Variants in SLC38A6 observed in about 807,000 individuals in gnomAD.
SLC38A6 encodes the protein N system amino acid transporter NAT-1.
In SLC38A6, 73 loss-of-function variants were observed where a neutral mutation model predicts 65.0. The ratio of observed to expected loss-of-function variants is 1.12; its 90% CI spans 0.93 to 1.37. SLC38A6 has a LOEUF of 1.37. Among genes scored for constraint, SLC38A6 ranks in the 40% most tolerant of loss-of-function variants. SLC38A6 has a pLI of 0.00. For synonymous variants in SLC38A6, 183 were observed against 178.8 expected (o/e 1.02, Z -0.19); for missense variants, 561 against 531.1 (o/e 1.06, Z -0.55).
chr14:61,078,615 A>T (rs2043514582), intron 15 of SLC38A6, among the ~76,000 whole-genome samples: 1 of 152,094 alleles, frequency 6.6e-6, no homozygotes, highest in East Asian at 1.9e-4. Flanking sequence ...AGGGCTAGTT[A>T]TCTAAAAACC....
intron 3 of SLC38A6, among the ~76,000 whole-genome samples, chr14:61,000,222 ATAAAAGCTGGATACATGG>A (rs1224593250): frequency 6.6e-6 from 1 of 152,256 alleles, no homozygotes; most frequent in Admixed American, 6.5e-5. Flanking sequence ...AGAGTATTTA[ATAAAAGCTGGATACATGG>A]GTGATGAATA....
At chr14:61,025,137 A>G (rs928252337) in intron 5 of SLC38A6, among the ~76,000 whole-genome samples, 4 of 152,160 alleles carry the variant, frequency 2.6e-5, no homozygotes, top group Admixed American at 1.3e-4. Context: ...TTAACACCTC[A>G]GTTTGGTAAT....
intron 5 of SLC38A6, among the ~76,000 whole-genome samples, chr14:61,026,370 C>A (rs2040613604): frequency 6.6e-6 from 1 of 151,982 alleles, no homozygotes. Flanking sequence ...GCAGTAGATG[C>A]AATAGAATCT....
Position 61,037,096 on chromosome 14 carries a change from A to G in SLC38A6, c.520A>G (p.Ile174Val), listed in dbSNP as rs779048902. Residue 174 changes from isoleucine to valine, a missense_variant, in exon 7 of 16, where the codon ATA becomes GTA. Ile to Val is a conservative substitution (Grantham distance 29). Coordinates refer to ENST00000267488, the MANE Select transcript of SLC38A6 (RefSeq NM_153811.3). ...YLDGQTLLIIICVGIVFPLAL... is the reference protein window; with the variant it reads ...YLDGQTLLIIVCVGIVFPLAL... ...TGATGGACAAACACTACTAATAATC[A>G]TATGTGTTGGCATTGTGTTCCCTCT... 4 of 1,611,324 alleles carry G rather than the reference A, an allele frequency of 2.5e-6. No homozygotes were observed. Among genetic ancestry groups the G allele is most frequent in the South Asian group, 1.1e-5 (1 of 90,688 alleles).
downstream of SLC38A6, among the ~76,000 whole-genome samples, chr14:61,054,849 C>T (rs963389172): frequency 1.3e-5 from 2 of 152,006 alleles, no homozygotes. Flanking sequence ...GATGTCCTTT[C>T]TTTCTTTCTC....
At chr14:60,991,748 AC>A (rs2037906213) in intron 3 of SLC38A6, among the ~76,000 whole-genome samples, 1 of 152,158 alleles carries the variant, frequency 6.6e-6, no homozygotes, top group Non-Finnish European at 1.5e-5. Flanking sequence ...ACAAACAGCA[AC>A]GGTTGATCTA....
chr14:61,074,936 A>C (rs1273595969), intron 15 of SLC38A6, among the ~76,000 whole-genome samples: 1 of 152,070 alleles, frequency 6.6e-6, no homozygotes, highest in Non-Finnish European at 1.5e-5. Context: ...ATGTGAGTTT[A>C]CTAAATGCCT....
chr14:60,989,225 C>T (rs972952643), intron 3 of SLC38A6, among the ~76,000 whole-genome samples: 2 of 152,136 alleles, frequency 1.3e-5, no homozygotes, highest in Non-Finnish European at 1.5e-5. Flanking sequence ...CTAAGGCCTA[C>T]CCCCCAACTT....
chr14:61,035,992 G>T (rs2041337523), intron 6 of SLC38A6, among the ~76,000 whole-genome samples: 1 of 151,170 alleles, frequency 6.6e-6, no homozygotes, highest in Admixed American at 6.6e-5. Flanking sequence ...TTCTCATTCT[G>T]TATTCTAATG....
chr14:61,010,522 C>T (rs1430113784), intron 3 of SLC38A6, among the ~76,000 whole-genome samples: 5 of 152,274 alleles, frequency 3.3e-5, no homozygotes, highest in East Asian at 3.9e-4. Flanking sequence ...TTAGGTCTAA[C>T]ATTTAAGTCT....
chr14:61,063,674 A>G (rs1418468768), intron 15 of SLC38A6, among the ~76,000 whole-genome samples: 1 of 147,870 alleles, frequency 6.8e-6, no homozygotes, highest in Non-Finnish European at 1.5e-5. Flanking sequence ...AAGCCGAAAA[A>G]TTGACAACTG....
At chr14:61,019,009 T>G (rs1178411255) in intron 4 of SLC38A6, among the ~76,000 whole-genome samples, 1 of 152,236 alleles carries the variant, frequency 6.6e-6, no homozygotes, top group Non-Finnish European at 1.5e-5. Context: ...TTATTGAGTT[T>G]GGAACATTTT....
chr14:61,006,391 A>T (rs2039121079), intron 3 of SLC38A6, among the ~76,000 whole-genome samples: 1 of 152,244 alleles, frequency 6.6e-6, no homozygotes, highest in Non-Finnish European at 1.5e-5. Context: ...GTGAACAGGC[A>T]ACCTACAAAA....
intron 3 of SLC38A6, among the ~76,000 whole-genome samples, chr14:61,012,015 G>T (rs903115178): frequency 1.3e-5 from 2 of 152,114 alleles, no homozygotes; most frequent in Non-Finnish European, 2.9e-5. Context: ...TCTGGTCCTG[G>T]ACTTTTTTTG....
intron 15 of SLC38A6, among the ~76,000 whole-genome samples, chr14:61,067,334 T>A (rs1310926916): frequency 6.6e-6 from 1 of 152,104 alleles, no homozygotes; most frequent in African/African-American, 2.4e-5. Flanking sequence ...TACGTACACT[T>A]TTATTACTTT....
At chr14:61,036,074 A>G (rs943956274) in intron 6 of SLC38A6, among the ~76,000 whole-genome samples, 4 of 152,118 alleles carry the variant, frequency 2.6e-5, no homozygotes, top group Non-Finnish European at 4.4e-5. Flanking sequence ...AAAAATGTAT[A>G]TAGAAAACTA....
At chr14:61,062,995 ATG>A (rs2042904973) in intron 15 of SLC38A6, among the ~76,000 whole-genome samples, 1 of 151,986 alleles carries the variant, frequency 6.6e-6, no homozygotes, top group Non-Finnish European at 1.5e-5. Flanking sequence ...TGTTCTTTAT[ATG>A]TGTTTTGCAA....
At chr14:60,986,911 A>T (rs1285938727) in intron 3 of SLC38A6, 1 of 197,902 alleles carries the variant, frequency 5.1e-6, no homozygotes, top group Non-Finnish European at 1.0e-5. Flanking sequence ...TTTCTAAGTA[A>T]TTTTAATTTT....
chr14:61,018,192 A>G (rs2040131153), intron 4 of SLC38A6, among the ~76,000 whole-genome samples: 1 of 152,232 alleles, frequency 6.6e-6, no homozygotes, highest in Non-Finnish European at 1.5e-5. Flanking sequence ...TTTTTGCAAT[A>G]TATTAATTGA....
Sources: gnomAD v4.1 joint callset for allele counts (sites outside exome capture counted in the v4.1 genomes callset) on GRCh38, gnomAD v4.1.1 for gene constraint, MANE v1.5 for transcripts, NCBI Gene and HGNC (gene_info 2026-07-23, HGNC 2026-07-21) for gene names.